Variants in HSPA12A observed in about 807,000 individuals in gnomAD.
HSPA12A encodes heat shock 70 kDa protein 12A.
A neutral mutation model predicts 69.2 loss-of-function variants in HSPA12A; 28 were observed. That is an observed-to-expected ratio of 0.40 (90% confidence interval 0.30 to 0.55). HSPA12A has a LOEUF of 0.55. HSPA12A is among the 20% of genes least tolerant of loss of function. HSPA12A has a pLI of 0.38. For missense variants in HSPA12A, 686 were observed against 900.7 expected, an observed-to-expected ratio of 0.76 and a Z score of 3.05; for synonymous variants, 345 against 370.5, an observed-to-expected ratio of 0.93 and a Z score of 0.79.
chr10:116,744,559 A>G (rs1851605380), upstream of HSPA12A, among the ~76,000 whole-genome samples: 1 of 152,236 alleles, frequency 6.6e-6, no homozygotes, highest in Admixed American at 6.5e-5. Flanking sequence ...GGTGACATGC[A>G]GGCCCCAGTG....
chr10:116,786,727 C>T (rs536076986), intron 2 of HSPA12A, among the ~76,000 whole-genome samples: 2 of 152,194 alleles, frequency 1.3e-5, no homozygotes, highest in African/African-American at 4.8e-5. Context: ...GCAACCTCTG[C>T]CTCCCAGGTT....
intron 2 of HSPA12A, among the ~76,000 whole-genome samples, chr10:116,747,765 G>A (rs59431957): frequency 0.068 from 10,299 of 152,220 alleles, 633 homozygotes; most frequent in African/African-American, 0.17. Flanking sequence ...TGGGGAGGCC[G>A]AGACGGGTGG....
intron 2 of HSPA12A, among the ~76,000 whole-genome samples, chr10:116,804,461 G>A (rs996185436): frequency 6.6e-6 from 1 of 151,954 alleles, no homozygotes; most frequent in Non-Finnish European, 1.5e-5. Flanking sequence ...TCCTGTAGCG[G>A]GTATACCCTC....
At chr10:116,688,605 C>T (rs1162858986) in intron 6 of HSPA12A, among the ~76,000 whole-genome samples, 2 of 152,224 alleles carry the variant, frequency 1.3e-5, no homozygotes, top group Non-Finnish European at 2.9e-5. Flanking sequence ...AAGAGCGCTG[C>T]TGGTCTGCGG....
intron 1 of HSPA12A, among the ~76,000 whole-genome samples, chr10:116,707,813 G>A (rs2132987796): frequency 6.6e-6 from 1 of 152,254 alleles, no homozygotes; most frequent in Non-Finnish European, 1.5e-5. Flanking sequence ...TCCTTGCCTA[G>A]CAGATGCACC....
intron 1 of HSPA12A, among the ~76,000 whole-genome samples, chr10:116,838,561 T>A (rs543664021): frequency 6.6e-6 from 1 of 152,290 alleles, no homozygotes; most frequent in South Asian, 2.1e-4. Flanking sequence ...TATTTGTACT[T>A]GATGCAAGAG....
At chr10:116,763,949 G>C (rs1011336007) in intron 2 of HSPA12A, among the ~76,000 whole-genome samples, 1 of 152,252 alleles carries the variant, frequency 6.6e-6, no homozygotes, top group East Asian at 1.9e-4. Context: ...GCGTTATTGG[G>C]GGGGCGGTCG....
rs147668633 is a variant in HSPA12A, at chr10:116,825,148, C to G, written c.91+9787G>C. Among the ~76,000 whole-genome samples the G allele has an allele frequency of 4.4e-3, 662 of 149,862 alleles. 1 individual carries two copies. The highest frequency in any genetic ancestry group is 6.8e-3 in the Non-Finnish European group (462 of 67,672). On this transcript the variant is annotated intron_variant, in intron 2 of 12. Transcript: ENST00000635765. ...GCTGCAGCGAGCTGTGATTGCACCA[C>G]TCTACTCTAGTCTGGGTGGCAGGGT...
intron 4 of HSPA12A, among the ~76,000 whole-genome samples, chr10:116,699,529 G>C (rs1435243529): frequency 1.3e-5 from 2 of 152,096 alleles, no homozygotes; most frequent in Admixed American, 1.3e-4. Context: ...GATTGTCCCA[G>C]GCTGGGTAAT....
At position 116,675,044 on chromosome 10, in the gene HSPA12A, T is replaced by C. The variant is rs1314770890; in HGVS notation, c.1765A>G (p.Thr589Ala). Residue 589 changes from threonine (T) to alanine (A), a missense_variant, in exon 12 of 12, where the codon ACC becomes GCC. Coordinates refer to ENST00000369209, the MANE Select transcript of HSPA12A (RefSeq NM_025015.3). This position sits in a 1 kb window ranked among gnomAD's most constrained non-coding sequence, Gnocchi z 5.2. ...ALGELVKRSY[T>A]PAKPSQLVIV... Reference sequence around the variant, plus strand: ...ACCAGCTGGGAGGGCTTGGCCGGGGTGTAGCTACGCTTGACCAGCTCACCC... The same window carrying C: ...ACCAGCTGGGAGGGCTTGGCCGGGGCGTAGCTACGCTTGACCAGCTCACCC... 4 of 1,613,776 alleles carry C rather than the reference T, an allele frequency of 2.5e-6. No individual in the cohort carries two copies. The highest frequency in any genetic ancestry group is 2.2e-5 in the South Asian group (2 of 91,060).
intron 11 of HSPA12A, among the ~76,000 whole-genome samples, chr10:116,676,076 C>CT (rs1304263869): frequency 1.3e-5 from 2 of 152,212 alleles, no homozygotes; most frequent in Non-Finnish European, 2.9e-5. Flanking sequence ...GCTCTCTGAT[C>CT]TTTTTTGTTG....
upstream of HSPA12A, among the ~76,000 whole-genome samples, chr10:116,745,597 C>A (rs1035842372): frequency 3.9e-5 from 6 of 152,334 alleles, no homozygotes; most frequent in African/African-American, 1.4e-4. Context: ...CCTTCTAGTT[C>A]CCTTCCTGCT....
At chr10:116,746,158 C>T (rs1013020419), upstream of HSPA12A, among the ~76,000 whole-genome samples, 5 of 152,178 alleles carry the variant, frequency 3.3e-5, no homozygotes, top group Non-Finnish European at 5.9e-5. Flanking sequence ...GCCCCACACA[C>T]GCTTCCCTGC....
intron 2 of HSPA12A, among the ~76,000 whole-genome samples, chr10:116,776,471 G>A (rs781970188): frequency 3.3e-5 from 5 of 152,178 alleles, no homozygotes; most frequent in Non-Finnish European, 7.3e-5. Flanking sequence ...AGCCGGGATT[G>A]ATTCCTTATA....
chr10:116,679,006 G>T (rs1202854465), intron 10 of HSPA12A, among the ~76,000 whole-genome samples: 1 of 150,570 alleles, frequency 6.6e-6, no homozygotes, highest in African/African-American at 2.4e-5. Context: ...TTTTAAATTC[G>T]GCTTTAAACC....
At chr10:116,774,765 T>C (rs1431587704) in intron 2 of HSPA12A, among the ~76,000 whole-genome samples, 1 of 152,154 alleles carries the variant, frequency 6.6e-6, no homozygotes. Flanking sequence ...CCCAGTCCCA[T>C]GCCTGCCCAC....
chr10:116,829,008 TAA>T (rs756320185), intron 2 of HSPA12A: 3 of 152,350 alleles, frequency 2.0e-5, no homozygotes, highest in Non-Finnish European at 4.4e-5. Flanking sequence ...GTTGCATTTT[TAA>T]GAGAGAAGTT....
intron 5 of HSPA12A, among the ~76,000 whole-genome samples, chr10:116,693,713 C>T (rs1002886324): frequency 2.0e-5 from 3 of 152,048 alleles, no homozygotes; most frequent in Non-Finnish European, 4.4e-5. Flanking sequence ...GGCCCACCCT[C>T]TCTCTCTCTG....
intron 1 of HSPA12A, among the ~76,000 whole-genome samples, chr10:116,847,044 T>C (rs1033569108): frequency 2.0e-5 from 3 of 152,220 alleles, no homozygotes; most frequent in Non-Finnish European, 2.9e-5. Context: ...TTGAACTCTA[T>C]GTGGATGTTG....
Sources: allele counts gnomAD v4.1 joint callset (sites outside exome capture counted in the v4.1 genomes callset), GRCh38; gene constraint gnomAD v4.1.1; non-coding constraint Gnocchi (gnomAD v3.1); transcripts MANE v1.5; gene names NCBI Gene and HGNC (gene_info 2026-07-23, HGNC 2026-07-21).